POC1A: variants seen among roughly 807,000 people sequenced by gnomAD.
POC1A encodes POC1 centriolar protein A.
Under a neutral mutation model 47.8 loss-of-function variants are expected in POC1A, and 34 were observed. That is an observed-to-expected ratio of 0.71 (90% CI 0.54 to 0.95). The LOEUF (loss-of-function observed/expected upper bound fraction) is 0.95. Ranked by LOEUF, POC1A falls within the 40% of genes least tolerant of loss-of-function variation. POC1A has a pLI of 0.00. For missense variants in POC1A, 466 were observed against 528.3 expected (o/e 0.88, Z 1.16); for synonymous variants, 177 against 207.6 (o/e 0.85, Z 1.27).
At chr3:52,144,640 C>A (rs756355865) in intron 6 of POC1A, among the ~76,000 whole-genome samples, 9 of 152,206 alleles carry the variant, frequency 5.9e-5, no homozygotes, top group Non-Finnish European at 4.4e-5. Context: ...CCTCCCAACA[C>A]CTCCTGTGAG....
rs969151801 is a variant in POC1A, at chr3:52,149,506, T to G, written c.276-117A>C. 3 of 897,294 alleles carry G rather than the reference T, an allele frequency of 3.3e-6. No individual in the cohort carries two copies. In the African/African-American group the frequency reaches 5.0e-5, roughly 15 times the overall value. 55.6% of individuals were successfully genotyped at this position (897,294 alleles called of 1,614,324 possible). A position where few individuals can be genotyped will look rare whatever the true frequency, so the allele number is the denominator to read the frequency against. ...CCTCCCAAAGTCAGTCAAGCCCGAG[T>G]ACCCCAGTCTCCACAAGGGAAAGCC... On this transcript the variant is annotated intron_variant, in intron 3 of 10. Coordinates refer to ENST00000296484, the MANE Select transcript of POC1A (RefSeq NM_015426.5).
At chr3:52,098,247 C>T (rs1702886627) in intron 9 of POC1A, among the ~76,000 whole-genome samples, 1 of 152,172 alleles carries the variant, frequency 6.6e-6, no homozygotes, top group Non-Finnish European at 1.5e-5. Context: ...ACACACTCTT[C>T]CACTGGAGGA....
chr3:52,137,684 C>T (rs1466168037), intron 7 of POC1A, among the ~76,000 whole-genome samples: 2 of 152,206 alleles, frequency 1.3e-5, no homozygotes, highest in Non-Finnish European at 2.9e-5. Flanking sequence ...GAGGCCTTTG[C>T]TTCCTTGATT....
intron 8 of POC1A, among the ~76,000 whole-genome samples, chr3:52,124,350 G>A (rs1703914142): frequency 6.6e-6 from 1 of 152,216 alleles, no homozygotes; most frequent in Admixed American, 6.5e-5. Flanking sequence ...CCAGAAGCAG[G>A]GTGCCTGCCA....
At chr3:52,082,003 G>A (rs977532589) in intron 10 of POC1A, among the ~76,000 whole-genome samples, 1 of 152,152 alleles carries the variant, frequency 6.6e-6, no homozygotes, top group African/African-American at 2.4e-5. Context: ...CTGCAGGAGA[G>A]GCAGAAGACG....
intron 10 of POC1A, among the ~76,000 whole-genome samples, chr3:52,081,825 C>T (rs1319460012): frequency 2.6e-5 from 4 of 151,782 alleles, no homozygotes; most frequent in South Asian, 2.1e-4. Flanking sequence ...CAAGAGAGAA[C>T]GAGAGGGGAT....
At position 52,079,842 on chromosome 3, in the gene POC1A, G is replaced by A. The variant is rs891557289; in HGVS notation, c.1126-3857C>T. Among the ~76,000 whole-genome samples the A allele has an allele frequency of 3.3e-5, 5 of 152,160 alleles. No homozygotes were observed. Among genetic ancestry groups the A allele is most frequent in the Admixed American group, 6.5e-5 (1 of 15,280 alleles). On this transcript the variant is annotated intron_variant, in intron 10 of 10. Transcript: ENST00000296484. The surrounding 1 kb of genome is among the most constrained non-coding windows in gnomAD (Gnocchi z 4.6). Reference sequence around the variant, plus strand: ...CTGGGGTCCAACTCTTCCACAGTGCGGCCCCTTCTGTCTGCTGACCTTGGA... The same window carrying A: ...CTGGGGTCCAACTCTTCCACAGTGCAGCCCCTTCTGTCTGCTGACCTTGGA...
chr3:52,107,002 G>C (rs2107021097), intron 9 of POC1A, among the ~76,000 whole-genome samples: 2 of 152,390 alleles, frequency 1.3e-5, no homozygotes, highest in East Asian at 3.9e-4. Context: ...GGAGGAAGAA[G>C]TTGATCTGAG....
chr3:52,149,416 G>A (rs976831863), intron 3 of POC1A, 27 bp from the exon 4 acceptor site: 6 of 1,608,858 alleles, frequency 3.7e-6, no homozygotes, highest in Non-Finnish European at 4.3e-6. Flanking sequence ...CCAAGAGTAA[G>A]GAAACCCATA....
In POC1A at chr3:52,154,339, T is replaced by C. The variant is rs377354962; in HGVS notation, c.18+16A>G. ...GGGAGACTGAGGCCTGGGGAGTTGC[T>C]CTCGGCTGGGCTTACCGCGCAGGGC... On this transcript the variant is annotated intron_variant, in intron 1 of 10. Transcript: ENST00000296484. 16 of 1,561,062 alleles carry C rather than the reference T, an allele frequency of 1.0e-5. No individual in the cohort carries two copies. Among genetic ancestry groups the C allele is most frequent in the Middle Eastern group, 1.7e-4 (1 of 5,858 alleles).
chr3:52,119,145 A>G (rs963110055), intron 9 of POC1A, among the ~76,000 whole-genome samples: 1 of 152,058 alleles, frequency 6.6e-6, no homozygotes, highest in Non-Finnish European at 1.5e-5. Context: ...AATCTGGCCC[A>G]GTTGAACAGA....
chr3:52,125,316 C>T, intron 7 of POC1A, 135 bp from the exon 8 acceptor site: 1 of 689,900 alleles, frequency 1.4e-6, no homozygotes, highest in South Asian at 1.8e-5. Context: ...CCACAGTCCT[C>T]CGTAACCTGT....
intron 2 of POC1A, 35 bp from the exon 3 acceptor site, chr3:52,150,022 C>T: frequency 6.3e-7 from 1 of 1,581,226 alleles, no homozygotes; most frequent in Non-Finnish European, 8.6e-7. Context: ...ACCTACAGCT[C>T]TAACAGGCTT....
At chr3:52,100,693 A>T (rs919445677) in intron 9 of POC1A, among the ~76,000 whole-genome samples, 3 of 152,198 alleles carry the variant, frequency 2.0e-5, no homozygotes, top group African/African-American at 7.2e-5. Context: ...TGCCACAGAC[A>T]CAAGTAGAGC....
chr3:52,092,615 TATG>T (rs2106959898), intron 10 of POC1A, among the ~76,000 whole-genome samples: 1 of 152,252 alleles, frequency 6.6e-6, no homozygotes, highest in Admixed American at 6.5e-5. Flanking sequence ...GGATGAAAAC[TATG>T]ATGAGTATGT....
At chr3:52,108,453 C>A (rs1559824829) in intron 9 of POC1A, among the ~76,000 whole-genome samples, 1 of 152,288 alleles carries the variant, frequency 6.6e-6, no homozygotes, top group South Asian at 2.1e-4. Flanking sequence ...GAAGACAGCT[C>A]ATTGTAACTA....
At chr3:52,127,530 A>C (rs1435994932) in intron 7 of POC1A, among the ~76,000 whole-genome samples, 1 of 144,824 alleles carries the variant, frequency 6.9e-6, no homozygotes, top group Non-Finnish European at 1.5e-5. Context: ...AGCTGGGATT[A>C]CAGGTGCCCG....
intron 9 of POC1A, among the ~76,000 whole-genome samples, chr3:52,111,652 T>TAAAAAAAA (rs59028696): frequency 1.1e-5 from 1 of 95,138 alleles, no homozygotes; most frequent in African/African-American, 3.6e-5. Context: ...GTCTCAAAAT[T>TAAAAAAAA]AAAAAAAAAA....
Position 52,075,769 on chromosome 3 carries a change from T to C in POC1A, c.*118A>G. On this transcript the variant is annotated 3_prime_UTR_variant, in exon 11 of 11. Coordinates refer to ENST00000296484, the MANE Select transcript of POC1A (RefSeq NM_015426.5). ...GGGCAGAACTGCAAAAATCCAGGGCTCCAGTATGGATGTGATTCCCACAGA... is the reference window on the plus strand; with the variant it reads ...GGGCAGAACTGCAAAAATCCAGGGCCCCAGTATGGATGTGATTCCCACAGA... The C allele has an allele frequency of 1.3e-6, 1 of 796,218 alleles. No homozygotes were observed. Among genetic ancestry groups the C allele is most frequent in the East Asian group, 2.6e-5 (1 of 38,744 alleles). The allele number at this position is 796,218 out of a possible 1,614,324, so 49.3% of individuals were successfully genotyped here. A position where few individuals can be genotyped will look rare whatever the true frequency, so the allele number is the denominator to read the frequency against.
Sources: gnomAD v4.1 joint callset for allele counts (sites outside exome capture counted in the v4.1 genomes callset) on GRCh38, gnomAD v4.1.1 for gene constraint, Gnocchi (gnomAD v3.1) non-coding constraint, MANE v1.5 for transcripts, NCBI Gene and HGNC (gene_info 2026-07-23, HGNC 2026-07-21) for gene names.